Variants in AMMECR1L observed in about 807,000 individuals in gnomAD.
AMMECR1L encodes the protein AMMECR1-like protein.
AMMECR1L carries 4 observed loss-of-function variants against 36.8 expected under a neutral mutation model. That is an observed-to-expected ratio of 0.11 (90% CI 0.05 to 0.25). The LOEUF is 0.25. Among genes scored for constraint, AMMECR1L ranks in the 10% least tolerant of loss-of-function variants. AMMECR1L has a pLI of 1.00. For synonymous variants in AMMECR1L, 147 were observed against 148.0 expected (o/e 0.99, Z 0.05); for missense variants, 232 against 392.1 (o/e 0.59, Z 3.45).
At chr2:127,882,218 G>A (rs1691531525) in intron 2 of AMMECR1L, among the ~76,000 whole-genome samples, 2 of 151,886 alleles carry the variant, frequency 1.3e-5, no homozygotes, top group African/African-American at 2.4e-5. Flanking sequence ...TCGAGGGCAC[G>A]ATCTCATAAA....
At chr2:127,875,190 G>A (rs117906156) in intron 2 of AMMECR1L, among the ~76,000 whole-genome samples, 14 of 152,138 alleles carry the variant, frequency 9.2e-5, no homozygotes, top group Middle Eastern at 3.4e-3. Flanking sequence ...TTAAAAGCCC[G>A]CGGTAAAAAT....
At position 127,871,212 on chromosome 2, in the gene AMMECR1L, C is replaced by G. The variant is rs760727533; in HGVS notation, c.518+37G>C. 3.1e-6 allele frequency: 5 copies of G among 1,597,350 alleles called. No individual in the cohort carries two copies. In the East Asian group the frequency reaches 8.9e-5, roughly 29 times the overall value. Reference sequence around the variant, plus strand: ...TCAGGCAGCTATTTCTGATTCTAGCCAATTTATCTACAGTTCTTAATGTCT... The same window carrying G: ...TCAGGCAGCTATTTCTGATTCTAGCGAATTTATCTACAGTTCTTAATGTCT... On this transcript the variant is annotated intron_variant, in intron 4 of 7. Transcript: ENST00000272647. This position sits in a 1 kb window ranked among gnomAD's most constrained non-coding sequence, Gnocchi z 4.3.
rs769186717 is a variant in AMMECR1L, at chr2:127,871,263, T to C, written c.504A>G (p.Glu168=). 1.9e-6 allele frequency: 3 copies of C among 1,614,054 alleles called. No individual in the cohort carries two copies. The highest frequency in any genetic ancestry group is 2.5e-6 in the Non-Finnish European group (3 of 1,180,026). ...SAMNLHSGLR[E]YTLTSALKDS... is the part of the protein sequence containing the mutation. ...GGTGTCATTACCTGGTTAACGTGTA[T>C]TCCCTGAGTCCTGAATGAAGATTCA... is the stretch of plus-strand genomic sequence containing the variant. The change falls in exon 4 of 8, where the codon GAA becomes GAG. Residue 168 remains glutamate (E), a synonymous_variant. Transcript: ENST00000272647. This position sits in a 1 kb window ranked among gnomAD's most constrained non-coding sequence, Gnocchi z 4.3.
intron 2 of AMMECR1L, among the ~76,000 whole-genome samples, chr2:127,883,801 C>A (rs7574303): frequency 0.13 from 20,057 of 152,134 alleles, 1,595 homozygotes; most frequent in African/African-American, 0.22. Flanking sequence ...TCTCTCAGGA[C>A]TGAAACTATA....
rs1198802628 is a variant in AMMECR1L, at chr2:127,869,699, G to A, written c.634-155C>T. Among the ~76,000 whole-genome samples the A allele has an allele frequency of 6.6e-6, 1 of 152,204 alleles. No individual in the cohort carries two copies. The highest frequency in any genetic ancestry group is 2.4e-5 in the African/African-American group (1 of 41,448). On this transcript the variant is annotated intron_variant, in intron 5 of 7. Transcript: ENST00000272647. The surrounding 1 kb of genome is among the most constrained non-coding windows in gnomAD (Gnocchi z 4.7). ...TTCATGACTAATTCTATCTCAGGAG[G>A]TATAGAGGCCAAAGAAAGTTCTGCT...
In AMMECR1L at chr2:127,871,733, C is replaced by T. The variant is rs1349306316; in HGVS notation, c.408-374G>A. Reference sequence around the variant, plus strand: ...TTATCCAGGTAGCCATGCTCCCCCGCTCCGTCTTTCATGATGACACGCCTC... The same window carrying T: ...TTATCCAGGTAGCCATGCTCCCCCGTTCCGTCTTTCATGATGACACGCCTC... On this transcript the variant is annotated intron_variant, in intron 3 of 7. Transcript: ENST00000272647. This position sits in a 1 kb window ranked among gnomAD's most constrained non-coding sequence, Gnocchi z 4.3. 6.6e-6 allele frequency among the ~76,000 whole-genome samples: 1 copy of T among 152,158 alleles called. No homozygotes were observed. Among genetic ancestry groups the T allele is most frequent in the South Asian group, 2.1e-4 (1 of 4,836 alleles).
chr2:127,870,592 C>T (rs1480974572), intron 5 of AMMECR1L, among the ~76,000 whole-genome samples: 2 of 152,096 alleles, frequency 1.3e-5, no homozygotes, highest in South Asian at 4.1e-4. Context: ...GTAAACCAAG[C>T]AGACTAGGGA....
rs1016978261 is a variant in AMMECR1L, at chr2:127,862,405, G to A, written c.*2689C>T. On this transcript the variant is annotated 3_prime_UTR_variant, in exon 8 of 8. Coordinates refer to ENST00000272647, the MANE Select transcript of AMMECR1L (RefSeq NM_001199140.2). ...CATCACTGCTTTGGTCAAGCGTGCA[G>A]AGAAGGCAGTTCAGTTCCAGTTCGG... 11 of 153,802 alleles carry A rather than the reference G, an allele frequency of 7.2e-5. No homozygotes were observed. Among genetic ancestry groups the A allele is most frequent in the Admixed American group, 2.6e-4 (4 of 15,282 alleles). The allele number at this position is 153,802 out of a possible 1,614,324, so 9.5% of individuals were successfully genotyped here.
rs1045395873 is a variant in AMMECR1L, at chr2:127,862,347, C to A, written c.*2747G>T. 1 of 153,806 alleles carries A rather than the reference C, an allele frequency of 6.5e-6. No individual in the cohort carries two copies. The highest frequency in any genetic ancestry group is 1.9e-4 in the East Asian group (1 of 5,196). The allele number at this position is 153,806 out of a possible 1,614,324, so 9.5% of individuals were successfully genotyped here. On this transcript the variant is annotated 3_prime_UTR_variant, in exon 8 of 8. Coordinates refer to ENST00000272647, the MANE Select transcript of AMMECR1L (RefSeq NM_001199140.2). ...CAGAAAACATTCCCTTTTCTTTAAA[C>A]CTACCACGCACACCGCAGGTACTGG...
Position 127,873,764 on chromosome 2 carries a change from G to A in AMMECR1L, c.407+64C>T. 1.9e-6 allele frequency: 3 copies of A among 1,608,542 alleles called. No individual in the cohort carries two copies. Among genetic ancestry groups the A allele is most frequent in the Non-Finnish European group, 2.5e-6 (3 of 1,179,066 alleles). ...ACTTCCAAGTAGCAGACCCTCTCAA[G>A]AGAATCACCCCAGAAAGATGTCACC... is the stretch of plus-strand genomic sequence containing the variant. On this transcript the variant is annotated intron_variant, in intron 3 of 7. Coordinates refer to ENST00000272647, the MANE Select transcript of AMMECR1L (RefSeq NM_001199140.2). This position sits in a 1 kb window ranked among gnomAD's most constrained non-coding sequence, Gnocchi z 5.2.
chr2:127,867,482 C>G (rs1056034600), intron 6 of AMMECR1L, among the ~76,000 whole-genome samples: 2 of 152,160 alleles, frequency 1.3e-5, no homozygotes, highest in Non-Finnish European at 2.9e-5. Context: ...TGTGGTGGCT[C>G]ACACCTGTAA....
chr2:127,870,423 C>T (rs558800758), intron 5 of AMMECR1L, among the ~76,000 whole-genome samples: 15 of 151,386 alleles, frequency 9.9e-5, no homozygotes, highest in Non-Finnish European at 1.9e-4. Flanking sequence ...TGCAGTAAGC[C>T]GAGATCACGT....
Position 127,864,808 on chromosome 2 carries a change from T to G in AMMECR1L, c.*286A>C. ...CCATGTGGCAAATACCAGACAAGGG[T>G]CTTCTGAACCCACAGTAATTCCCAC... On this transcript the variant is annotated 3_prime_UTR_variant, in exon 8 of 8. Transcript: ENST00000272647. 4.3e-6 allele frequency: 1 copy of G among 232,218 alleles called. No individual in the cohort carries two copies. The highest frequency in any genetic ancestry group is 8.5e-6 in the Non-Finnish European group (1 of 118,210). The allele number at this position is 232,218 out of a possible 1,614,324, so 14.4% of individuals were successfully genotyped here.
Position 127,865,318 on chromosome 2 carries a change from A to G in AMMECR1L, c.822-113T>C. On this transcript the variant is annotated intron_variant, in intron 7 of 7. Coordinates refer to ENST00000272647, the MANE Select transcript of AMMECR1L (RefSeq NM_001199140.2). This position sits in a 1 kb window ranked among gnomAD's most constrained non-coding sequence, Gnocchi z 5.4. ...CCACATTTTGAAAGAATAAAATGGA[A>G]GACCAAGAGCAATCTTACTTACAGA... The G allele has an allele frequency of 1.7e-6, 1 of 604,570 alleles. No individual in the cohort carries two copies. The highest frequency in any genetic ancestry group is 2.8e-6 in the Non-Finnish European group (1 of 351,958). The allele number at this position is 604,570 out of a possible 1,614,324, so 37.5% of individuals were successfully genotyped here.
intron 2 of AMMECR1L, among the ~76,000 whole-genome samples, chr2:127,875,094 T>C (rs1691164450): frequency 6.6e-6 from 1 of 152,186 alleles, no homozygotes; most frequent in South Asian, 2.1e-4. Flanking sequence ...CAAAATGTGG[T>C]GTCACATGGG....
intron 2 of AMMECR1L, among the ~76,000 whole-genome samples, chr2:127,878,797 G>A (rs1691361836): frequency 6.6e-6 from 1 of 152,150 alleles, no homozygotes; most frequent in Non-Finnish European, 1.5e-5. Flanking sequence ...TTCTCTGGAG[G>A]CCACTAAATA....
At chr2:127,877,171 C>T (rs545718397) in intron 2 of AMMECR1L, among the ~76,000 whole-genome samples, 1 of 151,786 alleles carries the variant, frequency 6.6e-6, no homozygotes, top group East Asian at 1.9e-4. Context: ...TCCTGGGGGG[C>T]CAGTACTTGG....
At chr2:127,885,514 C>A (rs1391836779) in intron 1 of AMMECR1L, 1 of 984,224 alleles carries the variant, frequency 1.0e-6, no homozygotes, top group African/African-American at 1.8e-5. Context: ...GGAGTGCAGA[C>A]AAGGACCAGG....
In AMMECR1L at chr2:127,869,664, C is replaced by T; in HGVS notation, c.634-120G>A. On this transcript the variant is annotated intron_variant, in intron 5 of 7. Coordinates refer to ENST00000272647, the MANE Select transcript of AMMECR1L (RefSeq NM_001199140.2). This position sits in a 1 kb window ranked among gnomAD's most constrained non-coding sequence, Gnocchi z 4.7. The stretch of plus-strand genomic sequence containing the variant: ...TAACACAGGCCTGGAAAAGGGAGAC[C>T]TTCTCGCATTTCATGACTAATTCTA... 2 of 805,360 alleles carry T rather than the reference C, an allele frequency of 2.5e-6. No individual in the cohort carries two copies. The highest frequency in any genetic ancestry group is 4.1e-6 in the Non-Finnish European group (2 of 487,800). The allele number at this position is 805,360 out of a possible 1,614,324, so 49.9% of individuals were successfully genotyped here.
Sources: allele counts gnomAD v4.1 joint callset (sites outside exome capture counted in the v4.1 genomes callset), GRCh38; gene constraint gnomAD v4.1.1; non-coding constraint Gnocchi (gnomAD v3.1); transcripts MANE v1.5; gene names NCBI Gene and HGNC (gene_info 2026-07-23, HGNC 2026-07-21).